GAN: variants seen among roughly 807,000 people sequenced by gnomAD.
The protein encoded by GAN is epididymis secretory sperm binding protein.
In GAN, 48 loss-of-function variants were observed where a neutral mutation model predicts 71.3. The ratio of observed to expected loss-of-function variants is 0.67; its 90% confidence interval spans 0.53 to 0.86. GAN has a LOEUF of 0.86. GAN is among the 40% of genes least tolerant of loss of function. The pLI, the probability that GAN is intolerant of heterozygous loss-of-function variation, is 0.00. For synonymous variants in GAN, 386 were observed against 276.8 expected (o/e 1.39, Z -3.92); for missense variants, 928 against 770.1 (o/e 1.21, Z -2.43).
At chr16:81,362,217 G>A (rs574743357) in intron 5 of GAN, among the ~76,000 whole-genome samples, 2 of 152,254 alleles carry the variant, frequency 1.3e-5, no homozygotes, top group Admixed American at 6.5e-5. Flanking sequence ...AATTGAGATG[G>A]CCCAGAGTTG....
At chr16:81,343,350 T>G (rs1910010140) in intron 1 of GAN, among the ~76,000 whole-genome samples, 1 of 152,210 alleles carries the variant, frequency 6.6e-6, no homozygotes. Context: ...CTGATGAACA[T>G]TGATGTGAAA....
intron 5 of GAN, among the ~76,000 whole-genome samples, chr16:81,359,818 G>A (rs558703436): frequency 3.9e-5 from 6 of 152,000 alleles, no homozygotes; most frequent in Non-Finnish European, 7.4e-5. Flanking sequence ...AAAGATTAAC[G>A]ACAATAACTG....
chr16:81,377,153 A>C (rs1904284233), intron 9 of GAN, 66 bp from the exon 10 acceptor site: 2 of 952,902 alleles, frequency 2.1e-6, no homozygotes, highest in Admixed American at 3.4e-5. Flanking sequence ...TTGCTGTGTC[A>C]GTCTTCCTAG....
In GAN at chr16:81,353,212, A is replaced by AC. The variant is rs1027511012; in HGVS notation, c.283-1189dup. Reference sequence around the variant, plus strand: ...AGGCTGAGGCAGGAGAATGGCGTGAACCCCAGGGGGCGGAGCCTGCAGTGA... The same window carrying AC: ...AGGCTGAGGCAGGAGAATGGCGTGAACCCCCAGGGGGCGGAGCCTGCAGTGA... On this transcript the variant is annotated intron_variant, in intron 2 of 10. Coordinates refer to ENST00000648994, the MANE Select transcript of GAN (RefSeq NM_022041.4). 2.7e-5 allele frequency among the ~76,000 whole-genome samples: 4 copies of AC among 145,718 alleles called. No homozygotes were observed. The East Asian group carries it at 6.4e-4, about 23-fold the overall frequency.
intron 1 of GAN, among the ~76,000 whole-genome samples, chr16:81,349,423 C>T (rs1027887148): frequency 6.6e-6 from 1 of 152,024 alleles, no homozygotes; most frequent in Non-Finnish European, 1.5e-5. Flanking sequence ...CTGAGGTGGG[C>T]AGATCAGTTT....
At chr16:81,318,332 T>C (rs1458929683) in intron 1 of GAN, among the ~76,000 whole-genome samples, 1 of 152,208 alleles carries the variant, frequency 6.6e-6, no homozygotes, top group African/African-American at 2.4e-5. Flanking sequence ...CTAGTGTTGG[T>C]AACTGTCATA....
chr16:81,358,111 A>T lies in GAN; in HGVS notation c.973+180A>T, dbSNP rs564374261. On this transcript the variant is annotated intron_variant, in intron 5 of 10. Coordinates refer to ENST00000648994, the MANE Select transcript of GAN (RefSeq NM_022041.4). ...AAAACCGTATTTTCTGTCAGTCCTT[A>T]TTATCTCTGTATCTTCAGCACATAG... Among the ~76,000 whole-genome samples, 3 of 152,250 alleles carry T rather than the reference A, an allele frequency of 2.0e-5. No individual in the cohort carries two copies. The South Asian group carries it at 6.2e-4, about 32-fold the overall frequency.
intron 1 of GAN, among the ~76,000 whole-genome samples, chr16:81,330,252 C>A (rs183402652): frequency 6.6e-6 from 1 of 151,120 alleles, no homozygotes; most frequent in Admixed American, 6.6e-5. Context: ...AGAATGTAAT[C>A]GGATAATGTT....
rs117621048 is a variant in GAN, at chr16:81,380,180, A to G, written c.*2584A>G. On this transcript the variant is annotated 3_prime_UTR_variant, in exon 11 of 11. Transcript: ENST00000648994. ...TGTAAAATAAATGTTGACTCATTTC[A>G]TGCAGGTTTGTGTTTTAACATTCCA... is the stretch of plus-strand genomic sequence containing the variant. The G allele has an allele frequency of 7.6e-3, 1,155 of 152,726 alleles. 5 individuals are homozygous for G. The highest frequency in any genetic ancestry group is 0.011 in the Non-Finnish European group (719 of 68,020). 9.5% of individuals were successfully genotyped at this position (152,726 alleles called of 1,614,324 possible).
chr16:81,364,895 G>T, intron 7 of GAN, 79 bp from the exon 8 acceptor site: 1 of 1,373,760 alleles, frequency 7.3e-7, no homozygotes, highest in South Asian at 1.2e-5. Flanking sequence ...TTTAAGTATG[G>T]CCCAGACAGT....
intron 6 of GAN, 124 bp downstream of exon 6, chr16:81,362,735 C>T: frequency 1.4e-6 from 1 of 716,090 alleles, no homozygotes; most frequent in Middle Eastern, 2.3e-4. Context: ...TCATTCGCTC[C>T]AACCTCTCCT....
chr16:81,366,886 G>A (rs1438928410), intron 9 of GAN, among the ~76,000 whole-genome samples: 2 of 151,934 alleles, frequency 1.3e-5, no homozygotes, highest in South Asian at 2.1e-4. Flanking sequence ...GTGCAGTGGC[G>A]TGATCTCGGC....
In GAN at chr16:81,363,910, G is replaced by C. The variant is rs1349484624; in HGVS notation, c.1203G>C (p.Trp401Cys). ...MECYDIYSKT[W>C]TKQPDLTMVR... ...GTTACGATATTTATTCTAAAACCTG[G>C]ACAAAGCAACCTGATTTGACCATGG... Residue 401 changes from tryptophan to cysteine, a missense_variant, in exon 7 of 11, where the codon TGG becomes TGC. Coordinates refer to ENST00000648994, the MANE Select transcript of GAN (RefSeq NM_022041.4). 5 of 1,613,692 alleles carry C rather than the reference G, an allele frequency of 3.1e-6. No homozygotes were observed. Among genetic ancestry groups the C allele is most frequent in the Admixed American group, 3.3e-5 (2 of 60,028 alleles).
intron 9 of GAN, among the ~76,000 whole-genome samples, chr16:81,376,646 ATATGTG>A: frequency 6.6e-6 from 1 of 150,882 alleles, no homozygotes; most frequent in East Asian, 1.9e-4. Context: ...ATGTGTGTAT[ATATGTG>A]TGTATATATG....
intron 2 of GAN, among the ~76,000 whole-genome samples, chr16:81,353,208 G>A (rs1225634832): frequency 6.6e-6 from 1 of 150,430 alleles, no homozygotes; most frequent in South Asian, 2.1e-4. Flanking sequence ...GGAGAATGGC[G>A]TGAACCCCAG....
Position 81,376,511 on chromosome 16 carries a change from ATG to A in GAN, c.1503-698_1503-697del, listed in dbSNP as rs1312516345. Among the ~76,000 whole-genome samples, 650 of 71,936 alleles carry A rather than the reference ATG, an allele frequency of 9.0e-3. 6 individuals carry two copies. Among genetic ancestry groups the A allele is most frequent in the African/African-American group, 0.031 (610 of 19,962 alleles). The allele number at this position is 71,936 out of a possible 152,430, so 47.2% of individuals were successfully genotyped here. ...TGTGTGTGTGTGTGTGTGTGTGTGT[ATG>A]TGTGTGTGTATACATATATGTGTAT... On this transcript the variant is annotated intron_variant, in intron 9 of 10. Coordinates refer to ENST00000648994, the MANE Select transcript of GAN (RefSeq NM_022041.4).
chr16:81,344,212 A>G (rs1231461402), intron 1 of GAN, among the ~76,000 whole-genome samples: 12 of 152,232 alleles, frequency 7.9e-5, no homozygotes, highest in African/African-American at 1.2e-4. Flanking sequence ...ATTTAATGCT[A>G]TCCCCATCAA....
intron 1 of GAN, among the ~76,000 whole-genome samples, chr16:81,344,267 C>T (rs1910042917): frequency 6.6e-6 from 1 of 152,130 alleles, no homozygotes; most frequent in Non-Finnish European, 1.5e-5. Flanking sequence ...CTACTTTAAA[C>T]TTCATATGGA....
chr16:81,376,279 G>A (rs887821232), intron 9 of GAN, among the ~76,000 whole-genome samples: 1 of 151,834 alleles, frequency 6.6e-6, no homozygotes, highest in Non-Finnish European at 1.5e-5. Context: ...GTTCCTGACA[G>A]CCTTATTCAT....
Sources: allele counts gnomAD v4.1 joint callset (sites outside exome capture counted in the v4.1 genomes callset), GRCh38; gene constraint gnomAD v4.1.1; transcripts MANE v1.5; gene names NCBI Gene and HGNC (gene_info 2026-07-23, HGNC 2026-07-21).